Variants in MTUS2 observed in about 807,000 individuals in gnomAD.
MTUS2 encodes the protein microtubule-associated tumor suppressor candidate 2.
A neutral mutation model predicts 114.1 loss-of-function variants in MTUS2; 40 were observed. That is an observed-to-expected ratio of 0.35 (90% CI 0.27 to 0.46). MTUS2 has a LOEUF of 0.46. Ranked by LOEUF, MTUS2 falls within the 20% of genes least tolerant of loss-of-function variation. The probability of loss-of-function intolerance (pLI) is 1.00; values close to 1 mark genes in which losing one functional copy is unlikely to be tolerated. For synonymous variants in MTUS2, 688 were observed against 672.0 expected, an observed-to-expected ratio of 1.02 and a Z score of -0.37; for missense variants, 1,679 against 1,705.4, an observed-to-expected ratio of 0.98 and a Z score of 0.27.
Position 29,033,919 on chromosome 13 carries a change from C to A in MTUS2, c.2240C>A (p.Ser747Tyr), listed in dbSNP as rs761329152. 4 of 1,613,800 alleles carry A rather than the reference C, an allele frequency of 2.5e-6. No homozygotes were observed. The African/African-American group carries it at 5.3e-5, about 22-fold the overall frequency. The change falls in exon 4 of 16, where the codon TCT becomes TAT. Residue 747 changes from serine (S) to tyrosine (Y), a missense_variant. Physicochemically the swap from Ser to Tyr is moderately radical, Grantham distance 144. Coordinates refer to ENST00000612955, the MANE Select transcript of MTUS2 (RefSeq NM_001033602.4). ...TDHPGKEEFC[S>Y]PPYAHYEVPP... The stretch of plus-strand genomic sequence containing the variant: ...CACCCTGGAAAAGAAGAGTTTTGTT[C>A]TCCTCCCTATGCTCATTATGAAGTC...
At chr13:29,421,694 G>T (rs1566191144) in intron 8 of MTUS2, among the ~76,000 whole-genome samples, 1 of 152,194 alleles carries the variant, frequency 6.6e-6, no homozygotes, top group Non-Finnish European at 1.5e-5. Flanking sequence ...CAATTATTAT[G>T]ATATCAGGCA....
At chr13:28,916,813 C>T (rs1880770659) in intron 2 of MTUS2, among the ~76,000 whole-genome samples, 1 of 151,512 alleles carries the variant, frequency 6.6e-6, no homozygotes, top group South Asian at 2.1e-4. Context: ...TCCTGAGTGA[C>T]AATGGTGAAA....
At chr13:29,355,114 T>C (rs1282942151) in intron 7 of MTUS2, among the ~76,000 whole-genome samples, 1 of 152,258 alleles carries the variant, frequency 6.6e-6, no homozygotes, top group East Asian at 1.9e-4. Flanking sequence ...CCAAGCTTTT[T>C]CATCCATTAC....
intron 6 of MTUS2, among the ~76,000 whole-genome samples, chr13:29,282,487 T>TGG (rs1898314506): frequency 2.0e-5 from 3 of 152,372 alleles, no homozygotes; most frequent in East Asian, 3.9e-4. Context: ...GCACAGGTGC[T>TGG]TGTCAGCAGA....
intron 7 of MTUS2, among the ~76,000 whole-genome samples, chr13:29,349,218 G>A (rs1393281647): frequency 6.6e-6 from 1 of 151,484 alleles, no homozygotes; most frequent in East Asian, 1.9e-4. Flanking sequence ...GGTTGTTTTA[G>A]GGTTCATAAT....
intron 8 of MTUS2, among the ~76,000 whole-genome samples, chr13:29,378,396 G>A (rs1319978341): frequency 3.9e-5 from 6 of 152,090 alleles, no homozygotes; most frequent in Admixed American, 2.0e-4. Flanking sequence ...TGCTCCGTGG[G>A]ATGAGGGTCT....
At chr13:29,029,824 A>C (rs918425255) in intron 3 of MTUS2, among the ~76,000 whole-genome samples, 2 of 152,192 alleles carry the variant, frequency 1.3e-5, no homozygotes, top group African/African-American at 4.8e-5. Context: ...CATGGGAACT[A>C]ATAGAGCAAG....
chr13:28,847,739 A>G (rs1354281251), intron 2 of MTUS2, among the ~76,000 whole-genome samples: 2 of 152,166 alleles, frequency 1.3e-5, no homozygotes, highest in African/African-American at 4.8e-5. Flanking sequence ...GCTGGTCTCA[A>G]GTCTTGCTAG....
chr13:28,910,834 A>G (rs1328437077), intron 2 of MTUS2, among the ~76,000 whole-genome samples: 1 of 139,544 alleles, frequency 7.2e-6, no homozygotes, highest in Non-Finnish European at 1.5e-5. Context: ...TAGTGGCTGC[A>G]ATGAACACAC....
At chr13:28,912,415 C>T (rs1880494964) in intron 2 of MTUS2, among the ~76,000 whole-genome samples, 1 of 152,036 alleles carries the variant, frequency 6.6e-6, no homozygotes, top group South Asian at 2.1e-4. Context: ...TCACTGTAGC[C>T]TTGTAGTATA....
intron 6 of MTUS2, among the ~76,000 whole-genome samples, chr13:29,285,787 A>G (rs776617054): frequency 1.8e-4 from 27 of 152,224 alleles, no homozygotes; most frequent in Non-Finnish European, 3.4e-4. Flanking sequence ...GTAAACATAT[A>G]GGCCAATTTT....
chr13:29,187,286 CATT>C (rs1355076397), intron 5 of MTUS2, among the ~76,000 whole-genome samples: 2 of 151,068 alleles, frequency 1.3e-5, no homozygotes, highest in Non-Finnish European at 3.0e-5. Context: ...AGTAGAAAAA[CATT>C]ATAGAAAATG....
chr13:28,893,551 G>A (rs958428681), intron 2 of MTUS2, among the ~76,000 whole-genome samples: 57 of 152,240 alleles, frequency 3.7e-4, no homozygotes, highest in African/African-American at 1.3e-3. Flanking sequence ...CGTTATGTAC[G>A]TTTCTATTGG....
At chr13:29,498,333 A>C (rs1397646660) in intron 13 of MTUS2, 85 bp from the exon 14 acceptor site, 1 of 1,574,464 alleles carries the variant, frequency 6.4e-7, no homozygotes, top group African/African-American at 1.4e-5. Context: ...CCAGGAGGAT[A>C]GATTTAGCTG....
At chr13:29,321,283 G>A (rs1900242949) in intron 6 of MTUS2, among the ~76,000 whole-genome samples, 1 of 152,188 alleles carries the variant, frequency 6.6e-6, no homozygotes. Flanking sequence ...AGCCAAGAAG[G>A]CTGAGACAAC....
intron 6 of MTUS2, among the ~76,000 whole-genome samples, chr13:29,300,524 T>C (rs1443930973): frequency 6.6e-6 from 1 of 152,202 alleles, no homozygotes; most frequent in African/African-American, 2.4e-5. Context: ...CTTATGCAAA[T>C]TGCTACCATC....
intron 1 of MTUS2, among the ~76,000 whole-genome samples, chr13:28,827,918 T>C (rs1213376940): frequency 3.3e-5 from 5 of 152,184 alleles, no homozygotes; most frequent in African/African-American, 9.7e-5. Flanking sequence ...AAATCGCTAA[T>C]GAAGTTTTGG....
intron 6 of MTUS2, among the ~76,000 whole-genome samples, chr13:29,302,081 CAG>C (rs1003316787): frequency 6.6e-6 from 1 of 152,136 alleles, no homozygotes; most frequent in Non-Finnish European, 1.5e-5. Context: ...CCAAGATGGC[CAG>C]TTAGAAGCAG....
intron 2 of MTUS2, among the ~76,000 whole-genome samples, chr13:28,932,628 C>G (rs1326135362): frequency 6.6e-6 from 1 of 152,138 alleles, no homozygotes; most frequent in African/African-American, 2.4e-5. Context: ...GACCTGAACC[C>G]ACCTCAACCT....
Sources: gnomAD v4.1 joint callset for allele counts (sites outside exome capture counted in the v4.1 genomes callset) on GRCh38, gnomAD v4.1.1 for gene constraint, MANE v1.5 for transcripts, NCBI Gene and HGNC (gene_info 2026-07-23, HGNC 2026-07-21) for gene names.